HSF2BP: variants seen among roughly 807,000 people sequenced by gnomAD.
HSF2BP encodes the protein heat shock transcription factor 2 binding protein.
Under a neutral mutation model 35.0 loss-of-function variants are expected in HSF2BP, and 35 were observed. The observed-to-expected ratio is 1.00, with a 90% CI of 0.76 to 1.32. HSF2BP has a LOEUF of 1.32. Ranked by LOEUF, HSF2BP falls within the 40% of genes most tolerant of loss-of-function variation. The pLI, the probability that HSF2BP is intolerant of heterozygous loss-of-function variation, is 0.00. For missense variants in HSF2BP, 326 were observed against 321.7 expected (o/e 1.01, Z -0.10); for synonymous variants, 114 against 117.4 (o/e 0.97, Z 0.18).
intron 8 of HSF2BP, among the ~76,000 whole-genome samples, chr21:43,573,692 G>A (rs185450822): frequency 4.0e-4 from 61 of 152,248 alleles, no homozygotes; most frequent in African/African-American, 1.3e-3. Context: ...TGCTGGTGGC[G>A]TCCTGGGGGG....
chr21:43,621,870 C>A (rs2082335259), intron 6 of HSF2BP, among the ~76,000 whole-genome samples: 1 of 151,724 alleles, frequency 6.6e-6, no homozygotes, highest in African/African-American at 2.4e-5. Flanking sequence ...ACAGACAACC[C>A]CAGAATACTC....
rs772392260 is a variant in HSF2BP at position 43,612,073 on chromosome 21, ACT to A, written c.692+1755_692+1756del. 1.1e-4 allele frequency among the ~76,000 whole-genome samples: 16 copies of A among 152,094 alleles called. No homozygotes were observed. The East Asian group carries it at 1.2e-3, about 11-fold the overall frequency. ...GGGCAGTTCCAATAGCACTGTAAAGACTCTGAAAACAGGACGACACACTGAAA... is the reference window on the plus strand; with the variant it reads ...GGGCAGTTCCAATAGCACTGTAAAGACTGAAAACAGGACGACACACTGAAA... On this transcript the variant is annotated intron_variant, in intron 7 of 8. Transcript: ENST00000291560.
At chr21:43,650,880 G>A (rs1476792569) in intron 3 of HSF2BP, among the ~76,000 whole-genome samples, 2 of 151,872 alleles carry the variant, frequency 1.3e-5, no homozygotes, top group East Asian at 3.9e-4. Context: ...GCTAATTTTT[G>A]TATTTTTAGT....
At chr21:43,596,922 A>G (rs2081995181) in intron 7 of HSF2BP, among the ~76,000 whole-genome samples, 1 of 147,522 alleles carries the variant, frequency 6.8e-6, no homozygotes, top group Non-Finnish European at 1.5e-5. Context: ...TTTTTTTTAT[A>G]AAGAGGCAAA....
chr21:43,605,756 TAC>T (rs1190975524), intron 7 of HSF2BP, among the ~76,000 whole-genome samples: 2 of 138,712 alleles, frequency 1.4e-5, no homozygotes, highest in Non-Finnish European at 3.1e-5. Context: ...CCAACATATA[TAC>T]ACACACACCA....
chr21:43,600,488 T>C (rs372325094), intron 7 of HSF2BP, among the ~76,000 whole-genome samples: 5 of 152,202 alleles, frequency 3.3e-5, no homozygotes, highest in Admixed American at 2.0e-4. Context: ...GAGAAAGCAA[T>C]TGGCACAGCA....
At chr21:43,578,349 A>ATG (rs112606928) in intron 8 of HSF2BP, among the ~76,000 whole-genome samples, 10,636 of 151,162 alleles carry the variant, frequency 0.07, 718 homozygotes, top group African/African-American at 0.18. Context: ...TTCCCTAGAG[A>ATG]TGTGTGTGTG....
chr21:43,590,947 C>T (rs1032572946), intron 8 of HSF2BP, among the ~76,000 whole-genome samples: 2 of 152,132 alleles, frequency 1.3e-5, no homozygotes, highest in African/African-American at 4.8e-5. Context: ...TACAGGTGGA[C>T]ATTTATATCA....
intron 8 of HSF2BP, among the ~76,000 whole-genome samples, chr21:43,579,700 G>T (rs559066595): frequency 6.6e-6 from 1 of 152,098 alleles, no homozygotes; most frequent in East Asian, 1.9e-4. Flanking sequence ...GTGCTCTATG[G>T]GAACCTTTTC....
At chr21:43,577,001 A>C (rs1345487145) in intron 8 of HSF2BP, among the ~76,000 whole-genome samples, 1 of 152,174 alleles carries the variant, frequency 6.6e-6, no homozygotes, top group African/African-American at 2.4e-5. Flanking sequence ...AGGTCAACGA[A>C]TTTAATTCTC....
intron 5 of HSF2BP, among the ~76,000 whole-genome samples, chr21:43,632,940 AAC>A (rs2082501811): frequency 6.6e-6 from 1 of 152,174 alleles, no homozygotes; most frequent in African/African-American, 2.4e-5. Context: ...TATGTTAGAT[AAC>A]ACAATATTCA....
At chr21:43,601,206 G>A (rs2082047663) in intron 7 of HSF2BP, among the ~76,000 whole-genome samples, 1 of 152,160 alleles carries the variant, frequency 6.6e-6, no homozygotes, top group Admixed American at 6.5e-5. Flanking sequence ...AGCCTCCACA[G>A]ACACAGGCCA....
chr21:43,609,064 A>G (rs531836853), intron 7 of HSF2BP, among the ~76,000 whole-genome samples: 60 of 152,364 alleles, frequency 3.9e-4, no homozygotes, highest in African/African-American at 1.3e-3. Flanking sequence ...AATGTGGTAC[A>G]TACAAGCCAT....
chr21:43,580,086 G>A (rs557183037), intron 8 of HSF2BP, among the ~76,000 whole-genome samples: 4 of 152,002 alleles, frequency 2.6e-5, no homozygotes, highest in South Asian at 2.1e-4. Context: ...CAGCCTCCCC[G>A]TGTCATGTTC....
chr21:43,654,414 C>T (rs756937830), intron 3 of HSF2BP, among the ~76,000 whole-genome samples: 7 of 152,204 alleles, frequency 4.6e-5, no homozygotes, highest in Admixed American at 2.0e-4. Context: ...GACCTGGGTC[C>T]GCTTCGCAGT....
intron 1 of HSF2BP, among the ~76,000 whole-genome samples, chr21:43,658,969 G>A (rs2082923979): frequency 6.6e-6 from 1 of 152,196 alleles, no homozygotes; most frequent in Admixed American, 6.5e-5. Context: ...CAGGTAAGCT[G>A]CTGGCTCAAC....
At chr21:43,592,415 C>G in intron 7 of HSF2BP, 87 bp from the exon 8 acceptor site, 1 of 813,116 alleles carries the variant, frequency 1.2e-6, no homozygotes, top group Non-Finnish European at 2.1e-6. Flanking sequence ...AGGAACTTAA[C>G]GTATTTAGAG....
intron 4 of HSF2BP, among the ~76,000 whole-genome samples, 199 bp downstream of exon 4, chr21:43,644,090 G>A (rs1021209920): frequency 6.6e-6 from 1 of 152,154 alleles, no homozygotes; most frequent in Non-Finnish European, 1.5e-5. Flanking sequence ...AAGATACCAA[G>A]TGAATGATCT....
intron 4 of HSF2BP, among the ~76,000 whole-genome samples, chr21:43,642,505 TCCTCTGTATTCACCTTACAGGAGCTTC>T (rs1186540988): frequency 7.2e-5 from 11 of 151,846 alleles, no homozygotes; most frequent in Admixed American, 2.0e-4. Flanking sequence ...GCAGGAGCTT[TCCTCTGTATTCACCTTACAGGAGCTTC>T]CCTCTGTATT....
Sources: gnomAD v4.1 joint callset for allele counts (sites outside exome capture counted in the v4.1 genomes callset) on GRCh38, gnomAD v4.1.1 for gene constraint, MANE v1.5 for transcripts, NCBI Gene and HGNC (gene_info 2026-07-23, HGNC 2026-07-21) for gene names.